Variants in XRRA1 observed in about 807,000 individuals in gnomAD.
XRRA1 encodes the protein X-ray radiation resistance-associated protein 1.
In XRRA1, 69 loss-of-function variants were observed where a neutral mutation model predicts 80.2. That is an observed-to-expected ratio of 0.86 (90% confidence interval 0.71 to 1.05). The LOEUF (loss-of-function observed/expected upper bound fraction) is 1.05, where lower values mean the gene tolerates loss of function less well. XRRA1 is among the 50% of genes least tolerant of loss of function. The probability of loss-of-function intolerance (pLI) is 0.00; values close to 1 mark genes in which losing one functional copy is unlikely to be tolerated. For synonymous variants in XRRA1, 348 were observed against 389.9 expected, an observed-to-expected ratio of 0.89 and a Z score of 1.27; for missense variants, 967 against 976.4, an observed-to-expected ratio of 0.99 and a Z score of 0.13.
intron 10 of XRRA1, among the ~76,000 whole-genome samples, chr11:74,882,339 G>A (rs879881670): frequency 1.5e-4 from 22 of 149,786 alleles, no homozygotes; most frequent in South Asian, 4.2e-4. Flanking sequence ...CGTAGTTCTC[G>A]AGCCTTGGTT....
intron 10 of XRRA1, among the ~76,000 whole-genome samples, chr11:74,883,926 G>A (rs151093230): frequency 5.1e-4 from 77 of 152,296 alleles, no homozygotes; most frequent in African/African-American, 1.2e-3. Flanking sequence ...AGCCAGGCAC[G>A]GTAGCTTATG....
At chr11:74,928,266 G>A (rs1214983179) in intron 6 of XRRA1, among the ~76,000 whole-genome samples, 2 of 152,092 alleles carry the variant, frequency 1.3e-5, no homozygotes, top group Admixed American at 6.6e-5. Context: ...TATCACTTGC[G>A]GTAAAAATCA....
At chr11:74,893,372 C>T (rs551019057) in intron 10 of XRRA1, among the ~76,000 whole-genome samples, 1 of 128,500 alleles carries the variant, frequency 7.8e-6, no homozygotes, top group East Asian at 2.3e-4. Flanking sequence ...CACATGGACA[C>T]AGGAAGGGAA....
At position 74,845,206 on chromosome 11, in the gene XRRA1, CT is replaced by C; in HGVS notation, c.1793del (p.Lys598ArgfsTer10). The C allele has an allele frequency of 1.2e-6, 2 of 1,614,030 alleles. No homozygotes were observed. The highest frequency in any genetic ancestry group is 1.7e-6 in the Non-Finnish European group (2 of 1,179,886). ...DDLELKEKDQ[K>X]KPPTAPREVK... ...CCTCTCTGGGTGCCGTTGGTGGTTT[CT>C]TTTGGTCTTTCTCCTTTAACTCTAA... is the stretch of plus-strand genomic sequence containing the variant. On this transcript the variant is annotated frameshift_variant, in exon 16 of 19. Coordinates refer to ENST00000684022, the MANE Select transcript of XRRA1 (RefSeq NM_001378157.1). LOFTEE classifies it high-confidence loss of function.
intron 10 of XRRA1, among the ~76,000 whole-genome samples, chr11:74,900,216 A>G (rs898292322): frequency 3.3e-5 from 5 of 152,104 alleles, no homozygotes; most frequent in African/African-American, 1.2e-4. Flanking sequence ...ATACAGGCCA[A>G]TATATCTGAT....
Position 74,936,937 on chromosome 11 carries a change from G to A in XRRA1, c.226C>T (p.Arg76Trp), listed in dbSNP as rs201171442. 3.3e-5 allele frequency: 54 copies of A among 1,613,802 alleles called. No individual in the cohort carries two copies. The highest frequency in any genetic ancestry group is 2.5e-4 in the South Asian group (23 of 91,042). ...SFEFKGKKES[R>W]RENQVDLPGH... is the part of the protein sequence containing the mutation. ...GGAAGGTCCACCTGATTTTCCCGCC[G>A]AGACTCTTTCTTCCCCTTGAACTCA... is the stretch of plus-strand genomic sequence containing the variant. Residue 76 changes from arginine to tryptophan, a missense_variant, in exon 4 of 19, where the codon CGG becomes TGG. Physicochemically the swap from Arg to Trp is moderately radical, Grantham distance 101. Coordinates refer to ENST00000684022, the MANE Select transcript of XRRA1 (RefSeq NM_001378157.1).
intron 10 of XRRA1, chr11:74,863,307 C>T (rs1347212845): frequency 2.2e-6 from 1 of 454,630 alleles, no homozygotes. Flanking sequence ...TCATGATACT[C>T]TCCCTCATTC....
intron 10 of XRRA1, among the ~76,000 whole-genome samples, chr11:74,867,059 C>A (rs2043613464): frequency 6.6e-6 from 1 of 152,146 alleles, no homozygotes; most frequent in South Asian, 2.1e-4. Context: ...TAAGCATGGA[C>A]ACCAGTGGCC....
intron 10 of XRRA1, among the ~76,000 whole-genome samples, chr11:74,890,408 A>G (rs1239476039): frequency 1.3e-5 from 2 of 152,264 alleles, no homozygotes; most frequent in Non-Finnish European, 2.9e-5. Context: ...AGCAGTGTGT[A>G]GAGGGAAATT....
chr11:74,918,716 T>C (rs1311680394), intron 8 of XRRA1: 1 of 152,204 alleles, frequency 6.6e-6, no homozygotes, highest in East Asian at 1.9e-4. Context: ...TAACTACACT[T>C]CCCAGACTGC....
intron 10 of XRRA1, among the ~76,000 whole-genome samples, chr11:74,890,382 C>T (rs1339166089): frequency 3.3e-5 from 5 of 152,002 alleles, no homozygotes; most frequent in African/African-American, 9.7e-5. Flanking sequence ...TACCAGAATC[C>T]CTGGGACACA....
intron 17 of XRRA1, 99 bp from the exon 18 acceptor site, chr11:74,844,058 G>A (rs1038740838): frequency 6.2e-6 from 9 of 1,448,226 alleles, no homozygotes; most frequent in Admixed American, 3.4e-5. Flanking sequence ...GGGGGCATCT[G>A]GGGGTGCTGG....
chr11:74,901,097 A>G (rs1174132257), intron 10 of XRRA1, among the ~76,000 whole-genome samples: 1 of 152,236 alleles, frequency 6.6e-6, no homozygotes, highest in Non-Finnish European at 1.5e-5. Context: ...AAGCAGATTC[A>G]GTAAAGTTTC....
intron 10 of XRRA1, 63 bp from the exon 11 acceptor site, chr11:74,863,084 A>G: frequency 6.8e-7 from 1 of 1,464,232 alleles, no homozygotes; most frequent in Admixed American, 1.9e-5. Flanking sequence ...TAGAGCACCC[A>G]GGATATAGGT....
At position 74,848,342 on chromosome 11, in the gene XRRA1, G is replaced by A. The variant is rs72986701; in HGVS notation, c.1501C>T (p.Leu501=). ...ACAGAAGTGCTTTTGGTAGTGGGCA[G>A]ATCTTCAGCCAGCTCTGCCTCTGGC... ...LEPEAELAED[L]PTTKSTSVES... Residue 501 remains leucine, a synonymous_variant, in exon 15 of 19, where the codon CTG becomes TTG. Transcript: ENST00000684022. The A allele has an allele frequency of 6.5e-5, 105 of 1,613,928 alleles. No homozygotes were observed. Among genetic ancestry groups the A allele is most frequent in the Non-Finnish European group, 8.7e-5 (103 of 1,179,850 alleles).
Position 74,848,410 on chromosome 11 carries a change from G to A in XRRA1, c.1433C>T (p.Pro478Leu), listed in dbSNP as rs199737684. ...GGGAGACTTGGTTGTCGTCATGCGC[G>A]GGTGATGGAGCACCAGAGGCTGCTT... The part of the protein sequence containing the change: ...VPKQPLVLHH[P>L]RMTTTKSPSK... The change falls in exon 15 of 19, where the codon CCG (proline) becomes CTG (leucine). Residue 478 changes from proline to leucine, a missense_variant. By Grantham distance (98) the Pro-to-Leu change is moderately conservative. Transcript: ENST00000684022. 1.5e-5 allele frequency: 25 copies of A among 1,613,642 alleles called. No individual in the cohort carries two copies. The highest frequency in any genetic ancestry group is 1.6e-4 in the Middle Eastern group (1 of 6,062).
chr11:74,868,891 A>G (rs2044106731), intron 10 of XRRA1, among the ~76,000 whole-genome samples: 1 of 152,160 alleles, frequency 6.6e-6, no homozygotes, highest in Admixed American at 6.6e-5. Flanking sequence ...GGATAAACAT[A>G]CGATAATTGT....
At chr11:74,859,106 C>A in intron 12 of XRRA1, 52 bp downstream of exon 12, 5 of 1,526,744 alleles carry the variant, frequency 3.3e-6, no homozygotes, top group Non-Finnish European at 4.4e-6. Flanking sequence ...CAACTTGCAT[C>A]CCACCTTCCC....
chr11:74,881,256 T>G (rs1449328572), intron 10 of XRRA1, among the ~76,000 whole-genome samples: 1 of 151,830 alleles, frequency 6.6e-6, no homozygotes, highest in Non-Finnish European at 1.5e-5. Context: ...TGGTTTAAAG[T>G]CTGTTTTATC....
Sources: allele counts gnomAD v4.1 joint callset (sites outside exome capture counted in the v4.1 genomes callset), GRCh38; gene constraint gnomAD v4.1.1; transcripts MANE v1.5; gene names NCBI Gene and HGNC (gene_info 2026-07-23, HGNC 2026-07-21).